Variants in GLRA2 observed in about 807,000 individuals in gnomAD.
The protein encoded by GLRA2 is glycine receptor subunit alpha-2.
GLRA2 carries 11 observed loss-of-function variants against 31.6 expected under a neutral mutation model. The ratio of observed to expected loss-of-function variants is 0.35; its 90% CI spans 0.22 to 0.58. GLRA2 has a LOEUF of 0.58. GLRA2 is among the 20% of genes least tolerant of loss of function. The probability of loss-of-function intolerance (pLI) is 0.84; values close to 1 mark genes in which losing one functional copy is unlikely to be tolerated. For missense variants in GLRA2, 212 were observed against 351.8 expected (o/e 0.60, Z 3.18); for synonymous variants, 132 against 134.0 (o/e 0.99, Z 0.10).
At chrX:14,619,429 A>G (rs889786954) in intron 7 of GLRA2, among the ~76,000 whole-genome samples, 1 of 110,547 alleles carries the variant, frequency 9.0e-6, no homozygotes, top group African/African-American at 3.3e-5. Flanking sequence ...CTCATATCCC[A>G]CTAACCTACC....
chrX:14,594,822 T>A (rs1338308988), intron 4 of GLRA2, among the ~76,000 whole-genome samples: 1 of 110,398 alleles, frequency 9.1e-6, no homozygotes, highest in Non-Finnish European at 1.9e-5. Context: ...GCCTTTATAA[T>A]ATTTGGTAAA....
intron 2 of GLRA2, among the ~76,000 whole-genome samples, chrX:14,566,898 C>G (rs1312110505): frequency 9.0e-6 from 1 of 111,711 alleles, no homozygotes; most frequent in Non-Finnish European, 1.9e-5. Context: ...GGTCCCTTCT[C>G]TCTCTCTCTG....
chrX:14,641,945 C>T lies in GLRA2; in HGVS notation c.930+32740C>T, dbSNP rs147622236. On this transcript the variant is annotated intron_variant, in intron 7 of 8. Transcript: ENST00000218075. ...GGGCCCATGCCAAATTATACATATT[C>T]GTGACTGGTAAATTGTTCAGTCTGG... is the stretch of plus-strand genomic sequence containing the variant. 4.5e-3 allele frequency among the ~76,000 whole-genome samples: 509 copies of T among 112,343 alleles called. 6 individuals are homozygous for T. The highest frequency in any genetic ancestry group is 0.015 in the African/African-American group (476 of 30,995).
At chrX:14,486,133 C>T in the GLRA2 span, among the ~76,000 whole-genome samples, 24 of 110,509 alleles carry the variant, frequency 2.2e-4, no homozygotes, top group African/African-American at 7.6e-4. Context: ...TGAAAAGATA[C>T]GTTAAAATAT....
intron 2 of GLRA2, among the ~76,000 whole-genome samples, chrX:14,558,539 T>G (rs1246804756): frequency 8.9e-6 from 1 of 112,028 alleles, no homozygotes; most frequent in East Asian, 2.8e-4. Context: ...GTATAATTAT[T>G]AATAGCACTC....
chrX:14,484,797 C>A, the GLRA2 span, among the ~76,000 whole-genome samples: 1 of 111,667 alleles, frequency 9.0e-6, no homozygotes, highest in Non-Finnish European at 1.9e-5. Flanking sequence ...CATATCAAGC[C>A]ACCATCTTAA....
the GLRA2 span, among the ~76,000 whole-genome samples, chrX:14,470,509 GGA>G: frequency 2.9e-3 from 320 of 111,543 alleles, no homozygotes; most frequent in Non-Finnish European, 4.8e-3. Flanking sequence ...ATATCTCTAA[GGA>G]GAGAGAGGAA....
In GLRA2 at chrX:14,730,341, T is replaced by C; in HGVS notation, c.1215T>C (p.Asp405=). The change falls in exon 9 of 9, where the codon GAT becomes GAC. Residue 405 remains aspartate (D), a synonymous_variant. Coordinates refer to ENST00000218075, the MANE Select transcript of GLRA2 (RefSeq NM_002063.4). ...NPLPQPPKDG[D]AIKKKFVDRA... is the part of the protein sequence containing the mutation. ...TCCCACAACCGCCAAAAGATGGAGA[T>C]GCTATCAAGAAGAAGTTTGTGGACC... 8.3e-7 allele frequency: 1 copy of C among 1,210,940 alleles called. No individual in the cohort carries two copies. The highest frequency in any genetic ancestry group is 1.1e-6 in the Non-Finnish European group (1 of 895,094).
the GLRA2 span, among the ~76,000 whole-genome samples, chrX:14,500,959 T>A: frequency 9.0e-6 from 1 of 110,871 alleles, no homozygotes; most frequent in African/African-American, 3.3e-5. Context: ...TAAATACACT[T>A]AATATCATTT....
At chrX:14,629,476 A>G (rs1009852260) in intron 7 of GLRA2, among the ~76,000 whole-genome samples, 2 of 111,604 alleles carry the variant, frequency 1.8e-5, no homozygotes, top group African/African-American at 6.5e-5. Context: ...TCAACAGGAA[A>G]CAGTAACTGC....
chrX:14,704,698 G>A (rs1006697317), intron 8 of GLRA2, among the ~76,000 whole-genome samples: 3 of 111,630 alleles, frequency 2.7e-5, no homozygotes, highest in Non-Finnish European at 3.8e-5. Flanking sequence ...TGGGTAAAAG[G>A]AAACGACCCC....
At chrX:14,568,239 C>A (rs960147976) in intron 2 of GLRA2, among the ~76,000 whole-genome samples, 1 of 111,969 alleles carries the variant, frequency 8.9e-6, no homozygotes, top group African/African-American at 3.2e-5. Flanking sequence ...AATACAAAAC[C>A]ACATTATCAA....
In GLRA2 at chrX:14,618,475, C is replaced by A. The variant is rs1041675758; in HGVS notation, c.930+9270C>A. ...AGTATGGTAATGTTTATGTAAACGG[C>A]ATTATGTTTATGAATTAAAATAAAC... On this transcript the variant is annotated intron_variant, in intron 7 of 8. Coordinates refer to ENST00000218075, the MANE Select transcript of GLRA2 (RefSeq NM_002063.4). Among the ~76,000 whole-genome samples the A allele has an allele frequency of 9.9e-5, 11 of 111,641 alleles. No homozygotes were observed. In the South Asian group the frequency reaches 3.3e-3, roughly 34 times the overall value.
chrX:14,682,885 C>CT (rs1365731647), intron 7 of GLRA2, among the ~76,000 whole-genome samples: 1 of 111,025 alleles, frequency 9.0e-6, no homozygotes, highest in African/African-American at 3.3e-5. Context: ...TGAACTCATC[C>CT]TTTTTTATGG....
At chrX:14,728,986 G>GA (rs1339268014) in intron 8 of GLRA2, among the ~76,000 whole-genome samples, 1 of 112,065 alleles carries the variant, frequency 8.9e-6, no homozygotes, top group African/African-American at 3.2e-5. Flanking sequence ...CCTCTCCAGG[G>GA]ATCTGCTGTT....
At chrX:14,601,123 G>A (rs1292809861) in intron 4 of GLRA2, among the ~76,000 whole-genome samples, 1 of 110,015 alleles carries the variant, frequency 9.1e-6, no homozygotes, top group Non-Finnish European at 1.9e-5. Flanking sequence ...CTTTATGCTG[G>A]GAACCAAAAA....
chrX:14,698,681 CAAAAA>C (rs749925474), intron 8 of GLRA2, among the ~76,000 whole-genome samples: 13 of 21,136 alleles, frequency 6.2e-4, no homozygotes, highest in African/African-American at 5.5e-4. Context: ...CTATCTATCT[CAAAAA>C]AAAAAAAAAA....
chrX:14,519,475 G>T, the GLRA2 span, among the ~76,000 whole-genome samples: 3 of 112,171 alleles, frequency 2.7e-5, no homozygotes, highest in Non-Finnish European at 5.6e-5. Flanking sequence ...TACCTAGGAA[G>T]CTTACACACT....
chrX:14,687,472 G>T (rs2091292127), intron 7 of GLRA2, among the ~76,000 whole-genome samples: 1 of 111,612 alleles, frequency 9.0e-6, no homozygotes, highest in African/African-American at 3.3e-5. Context: ...TTTTCACATA[G>T]TCTCATATTT....
Sources: gnomAD v4.1 joint callset for allele counts (sites outside exome capture counted in the v4.1 genomes callset) on GRCh38, gnomAD v4.1.1 for gene constraint, MANE v1.5 for transcripts, NCBI Gene and HGNC (gene_info 2026-07-23, HGNC 2026-07-21) for gene names.